Variants in FAM120A observed in about 807,000 individuals in gnomAD.
FAM120A encodes the protein family with sequence similarity 120 member A.
In FAM120A, 15 loss-of-function variants were observed where a neutral mutation model predicts 109.7. The ratio of observed to expected loss-of-function variants is 0.14; its 90% CI spans 0.09 to 0.21. FAM120A has a LOEUF of 0.21. FAM120A is among the 10% of genes least tolerant of loss of function. The pLI, the probability that FAM120A is intolerant of heterozygous loss-of-function variation, is 1.00. For missense variants in FAM120A, 899 were observed against 1,439.3 expected (o/e 0.62, Z 6.07); for synonymous variants, 493 against 572.8 (o/e 0.86, Z 1.99).
chr9:93,482,608 G>T (rs141313652), intron 3 of FAM120A, among the ~76,000 whole-genome samples: 1 of 152,288 alleles, frequency 6.6e-6, no homozygotes, highest in African/African-American at 2.4e-5. Context: ...CAGCAGTTGG[G>T]TCTGGCTCTG....
chr9:93,534,326 C>A (rs1011929956), intron 10 of FAM120A, among the ~76,000 whole-genome samples: 1 of 152,116 alleles, frequency 6.6e-6, no homozygotes, highest in African/African-American at 2.4e-5. Context: ...CAGACTGCCC[C>A]GACCTTCTCT....
intron 1 of FAM120A, among the ~76,000 whole-genome samples, chr9:93,457,538 GATGGTATACAC>G (rs1857605261): frequency 1.3e-5 from 2 of 152,108 alleles, no homozygotes; most frequent in African/African-American, 4.8e-5. Flanking sequence ...AACCCCGACA[GATGGTATACAC>G]ATGATATATA....
intron 10 of FAM120A, among the ~76,000 whole-genome samples, chr9:93,534,596 A>G (rs1861447068): frequency 6.6e-6 from 1 of 151,844 alleles, no homozygotes; most frequent in Non-Finnish European, 1.5e-5. Flanking sequence ...CAAAGTGAGA[A>G]CTTACAGGAA....
At chr9:93,548,394 A>G (rs1861970006) in intron 11 of FAM120A, among the ~76,000 whole-genome samples, 2 of 151,988 alleles carry the variant, frequency 1.3e-5, no homozygotes, top group Admixed American at 1.3e-4. Flanking sequence ...ACAACATTTT[A>G]AAAGGAACCA....
intron 7 of FAM120A, among the ~76,000 whole-genome samples, chr9:93,525,836 C>T (rs1469383967): frequency 1.3e-5 from 2 of 152,234 alleles, no homozygotes; most frequent in Admixed American, 1.3e-4. Context: ...GCAGTGGTTT[C>T]TCCAAGCTCC....
chr9:93,555,115 C>T (rs1862248061), intron 12 of FAM120A, among the ~76,000 whole-genome samples: 1 of 152,164 alleles, frequency 6.6e-6, no homozygotes, highest in African/African-American at 2.4e-5. Flanking sequence ...CTCTCTTCCT[C>T]CACTTTGCAC....
Position 93,452,521 on chromosome 9 carries a change from T to G in FAM120A, c.474+132T>G. The G allele has an allele frequency of 1.3e-6, 2 of 1,554,794 alleles. No individual in the cohort carries two copies. Among genetic ancestry groups the G allele is most frequent in the South Asian group, 1.1e-5 (1 of 87,634 alleles). On this transcript the variant is annotated intron_variant, in intron 1 of 17. Transcript: ENST00000277165. The surrounding 1 kb of genome is among the most constrained non-coding windows in gnomAD (Gnocchi z 7.0). The stretch of plus-strand genomic sequence containing the variant: ...GAGTTCCCCCAGCCCTTGCCCGGGA[T>G]AGCCTGGCCGGGCCGGGCTGCAAGA...
intron 1 of FAM120A, among the ~76,000 whole-genome samples, chr9:93,454,851 A>C (rs760509209): frequency 3.3e-5 from 5 of 152,248 alleles, no homozygotes; most frequent in Non-Finnish European, 7.3e-5. Flanking sequence ...ATATCACTAC[A>C]TGCCTATTAG....
At chr9:93,467,339 G>A (rs772878217) in intron 1 of FAM120A, among the ~76,000 whole-genome samples, 18 of 143,946 alleles carry the variant, frequency 1.3e-4, no homozygotes, top group Middle Eastern at 8.1e-3. Flanking sequence ...TACTCTTGTG[G>A]TTTTTAATGC....
chr9:93,554,704 G>A (rs1862233507), intron 12 of FAM120A, among the ~76,000 whole-genome samples: 1 of 151,928 alleles, frequency 6.6e-6, no homozygotes, highest in African/African-American at 2.4e-5. Context: ...CATTAGGATG[G>A]TGCTGCATGT....
intron 3 of FAM120A, among the ~76,000 whole-genome samples, chr9:93,486,641 C>G (rs573967673): frequency 2.0e-5 from 3 of 150,066 alleles, no homozygotes; most frequent in African/African-American, 7.4e-5. Flanking sequence ...TCAAGTGATT[C>G]GCTTGTGTTA....
chr9:93,504,810 G>T (rs1588852799), intron 5 of FAM120A, among the ~76,000 whole-genome samples: 1 of 152,092 alleles, frequency 6.6e-6, no homozygotes, highest in East Asian at 1.9e-4. Flanking sequence ...CCAGGGTAGG[G>T]CCCTGTTCAA....
At chr9:93,550,784 C>T (rs1316465235) in intron 12 of FAM120A, 93 bp downstream of exon 12, 6 of 846,532 alleles carry the variant, frequency 7.1e-6, no homozygotes, top group Non-Finnish European at 7.7e-6. Context: ...ATTGCTAATT[C>T]TTTAAACTAA....
In FAM120A at chr9:93,555,695, A is replaced by G. The variant is rs201046408; in HGVS notation, c.2275-687A>G. ...CTCTACGTATAGAAGGTAGGCACCC[A>G]GCACTTAACACTGAGGGAAGTAAAA... On this transcript the variant is annotated intron_variant, in intron 12 of 17. Transcript: ENST00000277165. Among the ~76,000 whole-genome samples, 5 of 152,254 alleles carry G rather than the reference A, an allele frequency of 3.3e-5. No homozygotes were observed. The East Asian group carries it at 9.6e-4, about 29-fold the overall frequency.
At chr9:93,536,039 C>T (rs1288359165) in intron 10 of FAM120A, among the ~76,000 whole-genome samples, 8 of 137,376 alleles carry the variant, frequency 5.8e-5, no homozygotes, top group African/African-American at 2.5e-5. Context: ...AGTGCTATAG[C>T]TTCTTGACAC....
intron 5 of FAM120A, among the ~76,000 whole-genome samples, chr9:93,513,106 A>C (rs182614750): frequency 6.6e-6 from 1 of 152,196 alleles, no homozygotes; most frequent in Non-Finnish European, 1.5e-5. Flanking sequence ...CAGCCACAAG[A>C]TATTATACAC....
intron 5 of FAM120A, among the ~76,000 whole-genome samples, chr9:93,503,684 C>A (rs1588851218): frequency 6.6e-6 from 1 of 152,098 alleles, no homozygotes; most frequent in African/African-American, 2.4e-5. Context: ...AGAATACGTA[C>A]AGCACCAAGA....
chr9:93,489,625 G>T (rs536584354), intron 3 of FAM120A, among the ~76,000 whole-genome samples: 31 of 152,302 alleles, frequency 2.0e-4, no homozygotes, highest in Middle Eastern at 3.4e-3. Context: ...TCCATCTTTG[G>T]AGTGATGGTC....
chr9:93,494,931 C>G lies in FAM120A; in HGVS notation c.805-2540C>G, dbSNP rs536743411. Among the ~76,000 whole-genome samples the G allele has an allele frequency of 2.6e-5, 4 of 152,262 alleles. No individual in the cohort carries two copies. In the South Asian group the frequency reaches 8.3e-4, roughly 32 times the overall value. ...ATGGACCTCACCCTGGGCTGAATAC[C>G]TTTGGGCCGACTCCTCTTTTCTTCC... On this transcript the variant is annotated intron_variant, in intron 3 of 17. Coordinates refer to ENST00000277165, the MANE Select transcript of FAM120A (RefSeq NM_014612.5).
Sources: gnomAD v4.1 joint callset for allele counts (sites outside exome capture counted in the v4.1 genomes callset) on GRCh38, gnomAD v4.1.1 for gene constraint, Gnocchi (gnomAD v3.1) non-coding constraint, MANE v1.5 for transcripts, NCBI Gene and HGNC (gene_info 2026-07-23, HGNC 2026-07-21) for gene names.